The following DAB1 variants were observed in gnomAD, a reference collection of about 807,000 sequenced individuals.
DAB1 encodes DAB adaptor protein 1.
A neutral mutation model predicts 64.6 loss-of-function variants in DAB1; 15 were observed. That is an observed-to-expected ratio of 0.23 (90% CI 0.16 to 0.36). The LOEUF (loss-of-function observed/expected upper bound fraction) is 0.36. Ranked by LOEUF, DAB1 falls within the 10% of genes least tolerant of loss-of-function variation. DAB1 has a pLI of 1.00. For missense variants in DAB1, 596 were observed against 706.7 expected, an observed-to-expected ratio of 0.84 and a Z score of 1.78; for synonymous variants, 235 against 251.9, an observed-to-expected ratio of 0.93 and a Z score of 0.64.
At chr1:57,129,514 G>T (rs1393798674) in intron 4 of DAB1, among the ~76,000 whole-genome samples, 2 of 152,070 alleles carry the variant, frequency 1.3e-5, no homozygotes, top group Non-Finnish European at 2.9e-5. Context: ...CTAGAGAGAA[G>T]AGATTGTAGA....
At chr1:58,511,415 A>T (rs1646074688) in intron 2 of DAB1, among the ~76,000 whole-genome samples, 1 of 152,154 alleles carries the variant, frequency 6.6e-6, no homozygotes, top group Non-Finnish European at 1.5e-5. Flanking sequence ...TGGGAGGCTG[A>T]GGCACATGGA....
intron 9 of DAB1, among the ~76,000 whole-genome samples, chr1:57,053,475 T>C (rs1649395381): frequency 6.6e-6 from 1 of 151,618 alleles, no homozygotes; most frequent in African/African-American, 2.4e-5. Flanking sequence ...CTTGAACTCC[T>C]GGCCCCAAGA....
intron 2 of DAB1, among the ~76,000 whole-genome samples, chr1:57,194,950 C>T (rs1243869689): frequency 2.0e-5 from 3 of 152,196 alleles, no homozygotes; most frequent in Admixed American, 6.5e-5. Flanking sequence ...TCCACATGCC[C>T]ATTTTATATA....
At chr1:57,059,657 G>A (rs976322850) in intron 9 of DAB1, among the ~76,000 whole-genome samples, 1 of 151,926 alleles carries the variant, frequency 6.6e-6, no homozygotes, top group Non-Finnish European at 1.5e-5. Context: ...GTGGTATTCG[G>A]TATTACCTCC....
At chr1:58,368,881 T>C (rs1306676047) in intron 3 of DAB1, among the ~76,000 whole-genome samples, 1 of 152,132 alleles carries the variant, frequency 6.6e-6, no homozygotes, top group Non-Finnish European at 1.5e-5. Context: ...ACAAAAATTA[T>C]CCGGGCATGG....
intron 3 of DAB1, among the ~76,000 whole-genome samples, chr1:58,487,788 C>T (rs909077901): frequency 2.0e-5 from 3 of 152,128 alleles, no homozygotes; most frequent in African/African-American, 7.2e-5. Flanking sequence ...ATTCCCCTCC[C>T]CCCTCAACAC....
chr1:57,458,585 T>G (rs1180209373), intron 7 of DAB1, among the ~76,000 whole-genome samples: 1 of 152,132 alleles, frequency 6.6e-6, no homozygotes, highest in Non-Finnish European at 1.5e-5. Context: ...TATTTACTCT[T>G]GCATTCTAGG....
intron 1 of DAB1, among the ~76,000 whole-genome samples, chr1:57,388,909 T>A (rs1422407402): frequency 6.6e-6 from 1 of 152,262 alleles, no homozygotes; most frequent in Non-Finnish European, 1.5e-5. Flanking sequence ...TTTCAAAACG[T>A]GCCCTAGCTC....
intron 4 of DAB1, among the ~76,000 whole-genome samples, chr1:58,156,845 GAAC>G (rs1251208160): frequency 4.7e-4 from 72 of 152,280 alleles, no homozygotes; most frequent in African/African-American, 1.6e-3. Context: ...GTAGGAATCA[GAAC>G]AACAAGGGGT....
intron 5 of DAB1, among the ~76,000 whole-genome samples, chr1:57,937,764 T>C (rs934007269): frequency 6.6e-6 from 1 of 152,204 alleles, no homozygotes; most frequent in Non-Finnish European, 1.5e-5. Context: ...CAAATCTTCC[T>C]TTCTTGCTCC....
intron 2 of DAB1, among the ~76,000 whole-genome samples, chr1:57,185,099 C>T (rs1034599142): frequency 1.3e-5 from 2 of 152,088 alleles, no homozygotes; most frequent in Non-Finnish European, 2.9e-5. Context: ...GGTCTTTGAT[C>T]ATCCTCCTCC....
intron 6 of DAB1, among the ~76,000 whole-genome samples, chr1:57,690,010 T>C (rs1432785547): frequency 6.6e-6 from 1 of 152,218 alleles, no homozygotes; most frequent in Admixed American, 6.5e-5. Flanking sequence ...ACATCATGTT[T>C]GTCTTTCTGT....
intron 6 of DAB1, among the ~76,000 whole-genome samples, chr1:57,652,461 C>T (rs181733142): frequency 8.5e-5 from 13 of 152,258 alleles, no homozygotes; most frequent in African/African-American, 2.9e-4. Flanking sequence ...ACCAGTCTTC[C>T]GTTAGCTGGC....
chr1:57,070,634 C>T (rs1298755117), intron 7 of DAB1: 1 of 228,294 alleles, frequency 4.4e-6, no homozygotes, highest in South Asian at 6.5e-5. Context: ...TGCTAAAATG[C>T]TACCAAAATG....
intron 4 of DAB1, among the ~76,000 whole-genome samples, chr1:58,215,568 C>A (rs933873675): frequency 6.6e-6 from 1 of 152,114 alleles, no homozygotes; most frequent in Admixed American, 6.5e-5. Flanking sequence ...GTTCTTGGTG[C>A]AGATTTTGCA....
chr1:58,419,854 A>G (rs774429243), intron 3 of DAB1, among the ~76,000 whole-genome samples: 1 of 152,118 alleles, frequency 6.6e-6, no homozygotes, highest in Non-Finnish European at 1.5e-5. Flanking sequence ...TAAAGTTTCC[A>G]AGGTCCTAAG....
At chr1:57,900,864 A>T (rs1013021292) in intron 5 of DAB1, among the ~76,000 whole-genome samples, 1 of 152,068 alleles carries the variant, frequency 6.6e-6, no homozygotes, top group South Asian at 2.1e-4. Context: ...TACTGATTCT[A>T]TGGGGGCAGG....
At chr1:57,792,187 C>G (rs1340043839) in intron 6 of DAB1, among the ~76,000 whole-genome samples, 1 of 152,174 alleles carries the variant, frequency 6.6e-6, no homozygotes, top group East Asian at 1.9e-4. Context: ...CATCCCCTTA[C>G]CAATTTGGTT....
intron 5 of DAB1, among the ~76,000 whole-genome samples, chr1:58,072,898 T>A (rs1254756585): frequency 6.6e-6 from 1 of 152,232 alleles, no homozygotes; most frequent in Non-Finnish European, 1.5e-5. Context: ...AATAGATAAG[T>A]GTGTGTGTCC....
Sources: gnomAD v4.1 joint callset for allele counts (sites outside exome capture counted in the v4.1 genomes callset) on GRCh38, gnomAD v4.1.1 for gene constraint, MANE v1.5 for transcripts, NCBI Gene and HGNC (gene_info 2026-07-23, HGNC 2026-07-21) for gene names.